AGBL4: variants seen among roughly 807,000 people sequenced by gnomAD.
The protein encoded by AGBL4 is cytosolic carboxypeptidase 6.
A neutral mutation model predicts 66.4 loss-of-function variants in AGBL4; 58 were observed. The ratio of observed to expected loss-of-function variants is 0.87; its 90% CI spans 0.71 to 1.09. AGBL4 has a LOEUF of 1.09. Ranked by LOEUF, AGBL4 falls within the 50% of genes least tolerant of loss-of-function variation. The pLI is 0.00. For synonymous variants in AGBL4, 234 were observed against 222.9 expected (o/e 1.05, Z -0.44); for missense variants, 579 against 631.0 (o/e 0.92, Z 0.88).
intron 3 of AGBL4, among the ~76,000 whole-genome samples, chr1:49,654,446 G>A (rs1321211441): frequency 2.0e-5 from 3 of 152,100 alleles, no homozygotes; most frequent in Non-Finnish European, 2.9e-5. Context: ...AGGTCTGCTT[G>A]GTGCAGAGCT....
At chr1:49,603,734 G>A (rs1322894671) in intron 3 of AGBL4, among the ~76,000 whole-genome samples, 1 of 151,738 alleles carries the variant, frequency 6.6e-6, no homozygotes, top group Non-Finnish European at 1.5e-5. Flanking sequence ...CCCATTCTGA[G>A]TCTCCAGTGT....
intron 4 of AGBL4, among the ~76,000 whole-genome samples, chr1:49,104,943 T>C (rs1378694535): frequency 6.6e-6 from 1 of 152,178 alleles, no homozygotes; most frequent in Non-Finnish European, 1.5e-5. Flanking sequence ...AGATATCACA[T>C]TTCTTACACG....
chr1:48,950,091 C>T (rs1393944996), intron 5 of AGBL4, among the ~76,000 whole-genome samples: 2 of 151,966 alleles, frequency 1.3e-5, no homozygotes, highest in Non-Finnish European at 2.9e-5. Flanking sequence ...TATTAATGGC[C>T]TCATTTATTT....
rs1462857167 is a variant in AGBL4 at position 49,918,140 on chromosome 1, C to A, written c.35-66622G>T. Reference sequence around the variant, plus strand: ...GCCAACAAGAGAAAGCAAGAAAGATCTAAAATTGACATCCTAACATCACAA... The same window carrying A: ...GCCAACAAGAGAAAGCAAGAAAGATATAAAATTGACATCCTAACATCACAA... On this transcript the variant is annotated intron_variant, in intron 1 of 13. Transcript: ENST00000371839. Among the ~76,000 whole-genome samples, 6 of 152,084 alleles carry A rather than the reference C, an allele frequency of 3.9e-5. No homozygotes were observed. The East Asian group carries it at 9.6e-4, about 24-fold the overall frequency.
intron 1 of AGBL4, among the ~76,000 whole-genome samples, chr1:49,938,832 G>C (rs1174052788): frequency 1.3e-5 from 2 of 152,108 alleles, no homozygotes; most frequent in Non-Finnish European, 2.9e-5. Flanking sequence ...ATTCAACATA[G>C]TGTTGGAAGT....
At chr1:49,308,306 C>T (rs191882520) in intron 3 of AGBL4, among the ~76,000 whole-genome samples, 5 of 152,052 alleles carry the variant, frequency 3.3e-5, no homozygotes, top group Non-Finnish European at 7.4e-5. Context: ...GTACTATATA[C>T]AAATCTGCAT....
At chr1:49,237,571 T>C (rs1355499564) in intron 4 of AGBL4, among the ~76,000 whole-genome samples, 1 of 120,354 alleles carries the variant, frequency 8.3e-6, no homozygotes, top group African/African-American at 3.5e-5. Context: ...TATATATATA[T>C]ATAAAACCTA....
chr1:49,547,135 A>C lies in AGBL4; in HGVS notation c.282+150178T>G, dbSNP rs144608225. On this transcript the variant is annotated intron_variant, in intron 3 of 13. Coordinates refer to ENST00000371839, the MANE Select transcript of AGBL4 (RefSeq NM_032785.4). ...TATCCTCTATAATTTTCATAGTTTC[A>C]TGTCTTAGATTTAATCCTTAATCCA... Among the ~76,000 whole-genome samples the C allele has an allele frequency of 1.9e-3, 284 of 152,296 alleles. 2 individuals are homozygous for C. The highest frequency in any genetic ancestry group is 6.5e-3 in the African/African-American group (269 of 41,568).
At position 48,725,193 on chromosome 1, in the gene AGBL4, T is replaced by C. The variant is rs1647214540; in HGVS notation, c.635-61952A>G. Among the ~76,000 whole-genome samples the C allele has an allele frequency of 2.6e-5, 4 of 152,230 alleles. 1 individual carries two copies. In the South Asian group the frequency reaches 8.3e-4, roughly 32 times the overall value. On this transcript the variant is annotated intron_variant, in intron 6 of 13. Coordinates refer to ENST00000371839, the MANE Select transcript of AGBL4 (RefSeq NM_032785.4). ...TGGCTCCCCATCCATTTCTTTTTAATATAGGGAATACTCTTATCCTTTATT... is the reference window on the plus strand; with the variant it reads ...TGGCTCCCCATCCATTTCTTTTTAACATAGGGAATACTCTTATCCTTTATT...
At chr1:49,499,761 CA>C (rs1026009364) in intron 3 of AGBL4, among the ~76,000 whole-genome samples, 1 of 151,376 alleles carries the variant, frequency 6.6e-6, no homozygotes, top group African/African-American at 2.4e-5. Flanking sequence ...GCACATATCA[CA>C]TTTTTTTATC....
intron 3 of AGBL4, among the ~76,000 whole-genome samples, chr1:49,377,683 A>C (rs553591081): frequency 6.6e-6 from 1 of 152,114 alleles, no homozygotes; most frequent in Non-Finnish European, 1.5e-5. Flanking sequence ...GTAGAATATC[A>C]GCTTTTATAT....
At chr1:49,959,284 C>A (rs1216042460) in intron 1 of AGBL4, among the ~76,000 whole-genome samples, 1 of 151,870 alleles carries the variant, frequency 6.6e-6, no homozygotes, top group Non-Finnish European at 1.5e-5. Flanking sequence ...CATTATGAGC[C>A]TTTTGAAAAG....
rs113596706 is a variant in AGBL4 at position 48,533,035 on chromosome 1, C to CACAAACAAACAA, written c.*1137_*1138insTTGTTTGTTTGT. The stretch of plus-strand genomic sequence containing the variant: ...TGTAGCAAACTTCAATAATCTCCAA[C>CACAAACAAACAA]TCAAACAAACAAACAAACAAACAAA... On this transcript the variant is annotated 3_prime_UTR_variant, in exon 14 of 14. Coordinates refer to ENST00000371839, the MANE Select transcript of AGBL4 (RefSeq NM_032785.4). The CACAAACAAACAA allele has an allele frequency of 6.6e-6, 1 of 150,840 alleles. No homozygotes were observed. The highest frequency in any genetic ancestry group is 1.5e-5 in the Non-Finnish European group (1 of 67,638). The allele number at this position is 150,840 out of a possible 1,614,324, so 9.3% of individuals were successfully genotyped here. A position where few individuals can be genotyped will look rare whatever the true frequency, so the allele number is the denominator to read the frequency against.
chr1:49,161,494 C>G (rs533405525), intron 4 of AGBL4, among the ~76,000 whole-genome samples: 1 of 152,348 alleles, frequency 6.6e-6, no homozygotes, highest in South Asian at 2.1e-4. Context: ...TCTTCCTATT[C>G]AGCCATCTTG....
At chr1:49,189,958 T>C (rs1335703868) in intron 4 of AGBL4, among the ~76,000 whole-genome samples, 1 of 152,130 alleles carries the variant, frequency 6.6e-6, no homozygotes, top group Non-Finnish European at 1.5e-5. Flanking sequence ...GACACTCCTG[T>C]TATAATAATG....
intron 3 of AGBL4, among the ~76,000 whole-genome samples, chr1:49,664,334 C>T (rs974115384): frequency 7.9e-5 from 12 of 151,846 alleles, no homozygotes; most frequent in African/African-American, 2.7e-4. Context: ...CTTCTCTATA[C>T]CATGTTAACT....
At chr1:49,768,743 C>A (rs944137367) in intron 2 of AGBL4, among the ~76,000 whole-genome samples, 12 of 152,284 alleles carry the variant, frequency 7.9e-5, no homozygotes, top group African/African-American at 2.6e-4. Flanking sequence ...TTTCTCTTCA[C>A]TGCTAATGTA....
chr1:49,510,681 T>C (rs538487440), intron 3 of AGBL4, among the ~76,000 whole-genome samples: 150 of 151,718 alleles, frequency 9.9e-4, no homozygotes, highest in African/African-American at 3.5e-3. Flanking sequence ...TGAATGGTAA[T>C]GCCTAGGTTT....
intron 4 of AGBL4, among the ~76,000 whole-genome samples, chr1:49,113,036 C>G (rs2148024965): frequency 6.6e-6 from 1 of 151,790 alleles, no homozygotes; most frequent in Admixed American, 6.6e-5. Context: ...ACTGCGAGCT[C>G]TGCCTCCCAG....
Sources: gnomAD v4.1 joint callset for allele counts (sites outside exome capture counted in the v4.1 genomes callset) on GRCh38, gnomAD v4.1.1 for gene constraint, MANE v1.5 for transcripts, NCBI Gene and HGNC (gene_info 2026-07-23, HGNC 2026-07-21) for gene names.